Variants in ULK4 observed in about 807,000 individuals in gnomAD.
ULK4 encodes unc-51 like kinase 4, also known as inactive serine/threonine-protein kinase ULK4.
A neutral mutation model predicts 160.6 loss-of-function variants in ULK4; 133 were observed. The observed-to-expected ratio is 0.83, with a 90% CI of 0.72 to 0.96. The LOEUF is 0.96. Ranked by LOEUF, ULK4 falls within the 40% of genes least tolerant of loss-of-function variation. The pLI is 0.00. For synonymous variants in ULK4, 534 were observed against 539.8 expected (o/e 0.99, Z 0.15); for missense variants, 1,580 against 1,499.5 (o/e 1.05, Z -0.89).
intron 17 of ULK4, among the ~76,000 whole-genome samples, chr3:41,879,716 T>C (rs1475015610): frequency 1.3e-5 from 2 of 152,060 alleles, no homozygotes; most frequent in Non-Finnish European, 2.9e-5. Context: ...AGGCTCAAGT[T>C]ATCCTCCCAC....
intron 32 of ULK4, among the ~76,000 whole-genome samples, chr3:41,503,441 T>C (rs2085276642): frequency 6.6e-6 from 1 of 152,128 alleles, no homozygotes; most frequent in Admixed American, 6.5e-5. Flanking sequence ...GTTGACAACC[T>C]CAGGATGTGT....
intron 22 of ULK4, among the ~76,000 whole-genome samples, chr3:41,740,940 A>G (rs991077492): frequency 6.6e-6 from 1 of 151,996 alleles, no homozygotes; most frequent in Non-Finnish European, 1.5e-5. Flanking sequence ...CTGGGCTGCA[A>G]AGCACAAAGG....
chr3:41,609,879 C>T (rs1417416981), intron 31 of ULK4, among the ~76,000 whole-genome samples: 1 of 151,644 alleles, frequency 6.6e-6, no homozygotes, highest in Non-Finnish European at 1.5e-5. Context: ...GAAGCTGAGG[C>T]AGGAGGATCA....
chr3:41,650,142 G>C (rs2034681775), intron 30 of ULK4, among the ~76,000 whole-genome samples: 1 of 152,134 alleles, frequency 6.6e-6, no homozygotes, highest in Non-Finnish European at 1.5e-5. Context: ...TACCCACTTT[G>C]GGTCTCCTGG....
intron 2 of ULK4, among the ~76,000 whole-genome samples, chr3:41,950,850 A>T (rs897630403): frequency 6.6e-6 from 1 of 152,128 alleles, no homozygotes; most frequent in Admixed American, 6.6e-5. Context: ...GAAATTTTTA[A>T]AAGACATAAA....
At chr3:41,564,470 T>G (rs1256862594) in intron 32 of ULK4, among the ~76,000 whole-genome samples, 17 of 141,012 alleles carry the variant, frequency 1.2e-4, no homozygotes, top group African/African-American at 4.5e-4. Flanking sequence ...TTTTTTTTTT[T>G]TTTTTGAGAC....
At chr3:41,422,508 C>A (rs2082684764) in intron 34 of ULK4, among the ~76,000 whole-genome samples, 1 of 152,080 alleles carries the variant, frequency 6.6e-6, no homozygotes, top group African/African-American at 2.4e-5. Flanking sequence ...ATAATTTATA[C>A]TTTTCTGTAA....
chr3:41,715,625 C>A (rs2037241590), intron 23 of ULK4, 57 bp from the exon 24 acceptor site: 17 of 1,607,656 alleles, frequency 1.1e-5, no homozygotes, highest in South Asian at 4.4e-5. Flanking sequence ...TACTTAGGAG[C>A]CACTGGTCAT....
intron 31 of ULK4, among the ~76,000 whole-genome samples, chr3:41,574,703 T>C (rs1400957475): frequency 6.6e-6 from 1 of 151,950 alleles, no homozygotes; most frequent in Non-Finnish European, 1.5e-5. Flanking sequence ...CCACCATGCC[T>C]GGCTAATTTT....
intron 1 of ULK4, among the ~76,000 whole-genome samples, chr3:41,961,550 A>ACCCCTTCCCCCCCCC (rs57463009): frequency 2.4e-5 from 3 of 124,690 alleles, no homozygotes; most frequent in African/African-American, 1.3e-4. Context: ...GTAGTCACTC[A>ACCCCTTCCCCCCCCC]CCCCCCCCCC....
At chr3:41,942,996 G>A (rs980370902) in intron 2 of ULK4, among the ~76,000 whole-genome samples, 17 of 151,964 alleles carry the variant, frequency 1.1e-4, no homozygotes, top group African/African-American at 7.3e-5. Flanking sequence ...GGTGGATCAC[G>A]AGGTAAGGAG....
At chr3:41,714,651 C>T (rs1186626591) in intron 25 of ULK4, among the ~76,000 whole-genome samples, 2 of 151,958 alleles carry the variant, frequency 1.3e-5, no homozygotes, top group Non-Finnish European at 2.9e-5. Flanking sequence ...AAAGATAATG[C>T]AATAACTTTT....
At chr3:41,436,657 G>A (rs1333536186) in intron 34 of ULK4, among the ~76,000 whole-genome samples, 2 of 152,142 alleles carry the variant, frequency 1.3e-5, no homozygotes, top group African/African-American at 4.8e-5. Flanking sequence ...ACAGAAATAT[G>A]TTAGGGGCCA....
At chr3:41,599,587 C>T (rs577578530) in intron 31 of ULK4, among the ~76,000 whole-genome samples, 5 of 126,116 alleles carry the variant, frequency 4.0e-5, no homozygotes, top group Admixed American at 2.7e-4. Flanking sequence ...TTTTTTGAGA[C>T]GGAGTCTTGC....
At chr3:41,916,434 G>C (rs1698966978) in intron 7 of ULK4, among the ~76,000 whole-genome samples, 1 of 152,066 alleles carries the variant, frequency 6.6e-6, no homozygotes, top group African/African-American at 2.4e-5. Flanking sequence ...TGTCACCCAG[G>C]GTGGAGTGCA....
At chr3:41,360,393 T>C (rs1475315732) in intron 35 of ULK4, among the ~76,000 whole-genome samples, 2 of 152,178 alleles carry the variant, frequency 1.3e-5, no homozygotes, top group Non-Finnish European at 2.9e-5. Flanking sequence ...AAATACCATT[T>C]AACCCAGCAA....
At chr3:41,919,259 G>T (rs543413303) in intron 6 of ULK4, among the ~76,000 whole-genome samples, 7 of 152,266 alleles carry the variant, frequency 4.6e-5, no homozygotes, top group African/African-American at 1.7e-4. Context: ...CATATGCCTA[G>T]ATACCAAGCA....
At chr3:41,814,405 C>T (rs1351403243) in intron 19 of ULK4, among the ~76,000 whole-genome samples, 1 of 152,102 alleles carries the variant, frequency 6.6e-6, no homozygotes, top group African/African-American at 2.4e-5. Context: ...GATTCCACTT[C>T]TTTGGAATTT....
At chr3:41,929,274 T>G (rs1699495787) in intron 5 of ULK4, among the ~76,000 whole-genome samples, 1 of 152,132 alleles carries the variant, frequency 6.6e-6, no homozygotes, top group African/African-American at 2.4e-5. Flanking sequence ...AGAAAAGGCC[T>G]TCAACAAAAT....
Sources: gnomAD v4.1 joint callset for allele counts (sites outside exome capture counted in the v4.1 genomes callset) on GRCh38, gnomAD v4.1.1 for gene constraint, MANE v1.5 for transcripts, NCBI Gene and HGNC (gene_info 2026-07-23, HGNC 2026-07-21) for gene names.